SLC5A7: variants seen among roughly 807,000 people sequenced by gnomAD.
SLC5A7 encodes high affinity choline transporter 1.
SLC5A7 carries 19 observed loss-of-function variants against 55.4 expected under a neutral mutation model. That is an observed-to-expected ratio of 0.34 (90% CI 0.24 to 0.50). The LOEUF is 0.50. Among genes scored for constraint, SLC5A7 ranks in the 20% least tolerant of loss-of-function variants. SLC5A7 has a pLI of 0.98. For synonymous variants in SLC5A7, 265 were observed against 263.7 expected, an observed-to-expected ratio of 1.00 and a Z score of -0.05; for missense variants, 506 against 705.3, an observed-to-expected ratio of 0.72 and a Z score of 3.20.
chr2:108,007,043 T>C (rs144132887), intron 7 of SLC5A7, among the ~76,000 whole-genome samples: 4 of 152,340 alleles, frequency 2.6e-5, no homozygotes, highest in East Asian at 3.9e-4. Context: ...ATGTAGAACA[T>C]GTTCAAAAGC....
chr2:108,002,173 T>C (rs1312890084), intron 6 of SLC5A7, 133 bp downstream of exon 6: 16 of 1,081,602 alleles, frequency 1.5e-5, no homozygotes, highest in Non-Finnish European at 2.1e-5. Flanking sequence ...GGACTCTCTA[T>C]CGGGAGGGTG....
intron 8 of SLC5A7, among the ~76,000 whole-genome samples, chr2:108,009,411 T>C (rs975929620): frequency 1.3e-5 from 2 of 152,158 alleles, no homozygotes; most frequent in Admixed American, 1.3e-4. Context: ...ATGTGTGCCA[T>C]GGTGGTTTGC....
intron 5 of SLC5A7, among the ~76,000 whole-genome samples, chr2:108,000,396 CCT>C (rs1677837509): frequency 1.3e-5 from 2 of 151,682 alleles, no homozygotes; most frequent in Non-Finnish European, 2.9e-5. Flanking sequence ...AGTGTGTGTG[CCT>C]ACACACACTT....
chr2:108,012,165 G>A lies in SLC5A7; in HGVS notation c.*1304G>A, dbSNP rs571001424. 7.9e-5 allele frequency: 12 copies of A among 151,514 alleles called. No homozygotes were observed. In the East Asian group the frequency reaches 1.4e-3, roughly 17 times the overall value. The allele number at this position is 151,514 out of a possible 1,614,324, so 9.4% of individuals were successfully genotyped here. The stretch of plus-strand genomic sequence containing the variant: ...TGGTGTTACACATACACACTCATAC[G>A]TGTGTGTGTGTGTATGTGTGTGTGT... On this transcript the variant is annotated 3_prime_UTR_variant, in exon 9 of 9. Transcript: ENST00000264047.
In SLC5A7 at chr2:108,012,841, G is replaced by GTATCTGTGTTTTATAA. The variant is rs1226032347; in HGVS notation, c.*1980_*1981insTATCTGTGTTTTATAA. On this transcript the variant is annotated 3_prime_UTR_variant, in exon 9 of 9. Coordinates refer to ENST00000264047, the MANE Select transcript of SLC5A7 (RefSeq NM_021815.5). ...AAAAACCACAGATACTGAAACATTT[G>GTATCTGTGTTTTATAA]ACACATAAAAGTAATTAATTGCTGG... 6.6e-6 allele frequency: 1 copy of GTATCTGTGTTTTATAA among 152,076 alleles called. No individual in the cohort carries two copies. Among genetic ancestry groups the GTATCTGTGTTTTATAA allele is most frequent in the East Asian group, 1.9e-4 (1 of 5,188 alleles). 9.4% of individuals were successfully genotyped at this position (152,076 alleles called of 1,614,324 possible). A position where few individuals can be genotyped will look rare whatever the true frequency, so the allele number is the denominator to read the frequency against.
intron 4 of SLC5A7, among the ~76,000 whole-genome samples, chr2:107,994,354 A>T (rs944338236): frequency 6.6e-6 from 1 of 152,092 alleles, no homozygotes; most frequent in Admixed American, 6.6e-5. Flanking sequence ...GAGGCCAAGG[A>T]GGGCGGATCA....
intron 6 of SLC5A7, among the ~76,000 whole-genome samples, chr2:108,004,188 T>C (rs982366800): frequency 1.3e-5 from 2 of 152,208 alleles, no homozygotes; most frequent in African/African-American, 4.8e-5. Context: ...TTACCCTACT[T>C]AAAAACTTCT....
chr2:108,004,730 G>C (rs1327165557), intron 6 of SLC5A7, among the ~76,000 whole-genome samples: 2 of 152,120 alleles, frequency 1.3e-5, no homozygotes, highest in South Asian at 4.1e-4. Context: ...CCTGGTCGCT[G>C]TCATTATTTT....
rs1677501539 is a variant in SLC5A7 at position 107,992,849 on chromosome 2, A to G, written c.293-123A>G. The G allele has an allele frequency of 3.4e-5, 33 of 980,646 alleles. No homozygotes were observed. The South Asian group carries it at 5.0e-4, about 15-fold the overall frequency. 60.7% of individuals were successfully genotyped at this position (980,646 alleles called of 1,614,324 possible). A position where few individuals can be genotyped will look rare whatever the true frequency, so the allele number is the denominator to read the frequency against. On this transcript the variant is annotated intron_variant, in intron 3 of 8. Transcript: ENST00000264047. Reference sequence around the variant, plus strand: ...TATAGTAGGTTGGTACTGTGTGCAGACTTGTTCCTCAATCCATACAGGTGT... The same window carrying G: ...TATAGTAGGTTGGTACTGTGTGCAGGCTTGTTCCTCAATCCATACAGGTGT...
chr2:108,011,295 T>G lies in SLC5A7; in HGVS notation c.*434T>G, dbSNP rs1678318255. 6.5e-6 allele frequency: 1 copy of G among 154,020 alleles called. No individual in the cohort carries two copies. The highest frequency in any genetic ancestry group is 6.5e-5 in the Admixed American group (1 of 15,334). The allele number at this position is 154,020 out of a possible 1,614,324, so 9.5% of individuals were successfully genotyped here. ...CACGAAGCTATGAGAATAACTTCAG[T>G]CACTCCCTTGAATGGTGCAATGAAT... On this transcript the variant is annotated 3_prime_UTR_variant, in exon 9 of 9. Coordinates refer to ENST00000264047, the MANE Select transcript of SLC5A7 (RefSeq NM_021815.5).
intron 1 of SLC5A7, among the ~76,000 whole-genome samples, chr2:107,987,626 G>T (rs1369035117): frequency 6.6e-6 from 1 of 152,112 alleles, no homozygotes; most frequent in African/African-American, 2.4e-5. Flanking sequence ...TGTTTGAAAG[G>T]ACAGATAAAA....
rs1322330973 is a variant in SLC5A7, at chr2:108,012,481, TC to T, written c.*1621del. On this transcript the variant is annotated 3_prime_UTR_variant, in exon 9 of 9. Coordinates refer to ENST00000264047, the MANE Select transcript of SLC5A7 (RefSeq NM_021815.5). ...TTTATAAGATTTAATTGTAATTGTC[TC>T]AAAGCATCAAATAATACATCTTTAT... 1 of 152,172 alleles carries T rather than the reference TC, an allele frequency of 6.6e-6. No homozygotes were observed. Among genetic ancestry groups the T allele is most frequent in the African/African-American group, 2.4e-5 (1 of 41,460 alleles). 9.4% of individuals were successfully genotyped at this position (152,172 alleles called of 1,614,324 possible). A position where few individuals can be genotyped will look rare whatever the true frequency, so the allele number is the denominator to read the frequency against.
chr2:107,999,856 T>C (rs1176512156), intron 5 of SLC5A7, among the ~76,000 whole-genome samples: 1 of 152,192 alleles, frequency 6.6e-6, no homozygotes, highest in Non-Finnish European at 1.5e-5. Context: ...ATTCCCAGTG[T>C]CACTGCTTTA....
In SLC5A7 at chr2:108,008,669, C is replaced by T; in HGVS notation, c.1100C>T (p.Ser367Phe). Residue 367 changes from serine to phenylalanine, a missense_variant, in exon 8 of 9, where the codon TCC becomes TTC. By Grantham distance (155) the Ser-to-Phe change is radical. This residue lies in a region of SLC5A7 where 309 missense variants were observed against 478.6 expected (regional missense o/e 0.65). Transcript: ENST00000264047. ...TTTGCACGGAACATCTACCAGCTTT[C>T]CTTCAGACAAAATGTAAGAACAGTT... ...SMFARNIYQL[S>F]FRQNASDKEI... The T allele has an allele frequency of 6.2e-7, 1 of 1,612,610 alleles. No individual in the cohort carries two copies. The highest frequency in any genetic ancestry group is 2.2e-5 in the East Asian group (1 of 44,840).
At chr2:107,995,483 G>T (rs1303405198) in intron 4 of SLC5A7, among the ~76,000 whole-genome samples, 2 of 151,884 alleles carry the variant, frequency 1.3e-5, no homozygotes, top group East Asian at 3.9e-4. Context: ...GTGTGTGTGT[G>T]TGTGTGTGTG....
intron 8 of SLC5A7, among the ~76,000 whole-genome samples, chr2:108,009,329 T>C (rs1678229498): frequency 6.6e-6 from 1 of 152,174 alleles, no homozygotes; most frequent in South Asian, 2.1e-4. Flanking sequence ...CAAGGCATTT[T>C]CTTTTTGTTT....
intron 6 of SLC5A7, among the ~76,000 whole-genome samples, chr2:108,005,727 C>T (rs921262570): frequency 1.3e-5 from 2 of 152,188 alleles, no homozygotes; most frequent in African/African-American, 2.4e-5. Flanking sequence ...TTGCTGCCTC[C>T]TCACATGGTG....
At chr2:107,987,985 A>G in intron 1 of SLC5A7, 120 bp from the exon 2 acceptor site, 1 of 502,624 alleles carries the variant, frequency 2.0e-6, no homozygotes, top group Non-Finnish European at 3.5e-6. Context: ...GTGTGGTTTC[A>G]GGGTTGTACT....
chr2:108,009,043 G>T (rs1678219801), intron 8 of SLC5A7, among the ~76,000 whole-genome samples: 1 of 151,938 alleles, frequency 6.6e-6, no homozygotes, highest in Non-Finnish European at 1.5e-5. Flanking sequence ...AATCTTGGTG[G>T]AAGCAGGGCA....
Sources: allele counts gnomAD v4.1 joint callset (sites outside exome capture counted in the v4.1 genomes callset), GRCh38; gene constraint gnomAD v4.1.1; regional missense constraint gnomAD v4.1.1; transcripts MANE v1.5; gene names NCBI Gene and HGNC (gene_info 2026-07-23, HGNC 2026-07-21).